Variants in HS3ST1 observed in about 807,000 individuals in gnomAD.
HS3ST1 encodes heparan sulfate glucosamine 3-O-sulfotransferase 1.
HS3ST1 carries 8 observed loss-of-function variants against 20.7 expected under a neutral mutation model. The observed-to-expected ratio is 0.39, with a 90% CI of 0.23 to 0.70. HS3ST1 has a LOEUF of 0.70. Among genes scored for constraint, HS3ST1 ranks in the 30% least tolerant of loss-of-function variants. The probability of loss-of-function intolerance (pLI) is 0.46; values close to 1 mark genes in which losing one functional copy is unlikely to be tolerated. For synonymous variants in HS3ST1, 205 were observed against 190.4 expected, an observed-to-expected ratio of 1.08 and a Z score of -0.63; for missense variants, 436 against 423.4, an observed-to-expected ratio of 1.03 and a Z score of -0.26.
At position 11,423,049 on chromosome 4, in the gene HS3ST1, A is replaced by AAAAAAT. The variant is rs1560237599; in HGVS notation, c.-109+5649_-109+5650insATTTTT. On this transcript the variant is annotated intron_variant, in intron 1 of 1. Coordinates refer to ENST00000002596, the MANE Select transcript of HS3ST1 (RefSeq NM_005114.4). ...AAAAAAAAAAAAAAAAAAAAAAAAA[A>AAAAAAT]GTGCTGAACGTCAGAGTTCTGAGTA... Among the ~76,000 whole-genome samples, 36 of 149,488 alleles carry AAAAAAT rather than the reference A, an allele frequency of 2.4e-4. 1 individual carries two copies. Among genetic ancestry groups the AAAAAAT allele is most frequent in the African/African-American group, 5.4e-4 (22 of 40,530 alleles).
At position 11,411,656 on chromosome 4, in the gene HS3ST1, G is replaced by C. The variant is rs149341326; in HGVS notation, c.-108-11543C>G. ...TCTTATTATAATTACACTATCTTCA[G>C]ATTAAATGCACTGGTGTATGTCAAG... On this transcript the variant is annotated intron_variant, in intron 1 of 1. Transcript: ENST00000002596. Among the ~76,000 whole-genome samples the C allele has an allele frequency of 2.2e-3, 329 of 152,298 alleles. 3 individuals carry two copies. The highest frequency in any genetic ancestry group is 2.6e-3 in the Non-Finnish European group (179 of 68,036).
chr4:11,412,949 G>A lies in HS3ST1; in HGVS notation c.-108-12836C>T, dbSNP rs150791415. 8.7e-4 allele frequency among the ~76,000 whole-genome samples: 133 copies of A among 152,200 alleles called. 1 individual carries two copies. Among genetic ancestry groups the A allele is most frequent in the African/African-American group, 3.1e-3 (127 of 41,524 alleles). On this transcript the variant is annotated intron_variant, in intron 1 of 1. Coordinates refer to ENST00000002596, the MANE Select transcript of HS3ST1 (RefSeq NM_005114.4). ...TGAAGACGTCATGAATGGTATTAGC[G>A]CCCTTCTAAGAAGAGGCCAGAAATC...
chr4:11,401,018 G>T (rs1383109224), intron 1 of HS3ST1, among the ~76,000 whole-genome samples: 1 of 152,198 alleles, frequency 6.6e-6, no homozygotes, highest in Non-Finnish European at 1.5e-5. Context: ...TTTTGGAGTG[G>T]TTTGTATTGC....
At position 11,399,103 on chromosome 4, in the gene HS3ST1, G is replaced by A. The variant is rs758759332; in HGVS notation, c.903C>T (p.Gly301=). ...EPNKKFFELV[G]RTFDWH ...CAAATCAGTGCCAGTCAAATGTTCT[G>A]CCAACAAGCTCGAAGAACTTCTTAT... The change falls in exon 2 of 2, where the codon GGC becomes GGT. Residue 301 remains glycine, a synonymous_variant. Transcript: ENST00000002596. The surrounding 1 kb of genome is among the most constrained non-coding windows in gnomAD (Gnocchi z 5.1). 6 of 1,612,650 alleles carry A rather than the reference G, an allele frequency of 3.7e-6. No individual in the cohort carries two copies. In the Middle Eastern group the frequency reaches 5.0e-4, roughly 133 times the overall value.
rs1011481286 is a variant in HS3ST1, at chr4:11,399,754, C to G, written c.252G>C (p.Glu84Asp). 6.2e-7 allele frequency: 1 copy of G among 1,613,812 alleles called. No homozygotes were observed. Among genetic ancestry groups the G allele is most frequent in the South Asian group, 1.1e-5 (1 of 91,090 alleles). ...CCCAGTCGAAGAAGTGGACCTCGTT[C>G]TCCGCGGCCGCCACGTCGGGGTGCA... The part of the protein sequence containing the change: ...LSLHPDVAAA[E>D]NEVHFFDWEE... Residue 84 changes from glutamate (E) to aspartate (D), a missense_variant, in exon 2 of 2, where the codon GAG becomes GAC. Coordinates refer to ENST00000002596, the MANE Select transcript of HS3ST1 (RefSeq NM_005114.4). The surrounding 1 kb of genome is among the most constrained non-coding windows in gnomAD (Gnocchi z 5.1).
In HS3ST1 at chr4:11,393,567, T is replaced by C. The variant is rs1221994121; in HGVS notation, c.*5515A>G. 1.3e-5 allele frequency: 2 copies of C among 152,188 alleles called. No individual in the cohort carries two copies. Among genetic ancestry groups the C allele is most frequent in the Admixed American group, 1.3e-4 (2 of 15,286 alleles). The allele number at this position is 152,188 out of a possible 1,614,324, so 9.4% of individuals were successfully genotyped here. On this transcript the variant is annotated 3_prime_UTR_variant, in exon 2 of 2. Transcript: ENST00000002596. Reference sequence around the variant, plus strand: ...TTCCTGTTTTCTTGGGAAACACATTTACTGAGAATAGGGTAGCAGAAGAAA... The same window carrying C: ...TTCCTGTTTTCTTGGGAAACACATTCACTGAGAATAGGGTAGCAGAAGAAA...
chr4:11,401,256 T>G (rs965451295), intron 1 of HS3ST1, among the ~76,000 whole-genome samples: 2 of 152,144 alleles, frequency 1.3e-5, no homozygotes, highest in African/African-American at 4.8e-5. Flanking sequence ...GTACAAAGCT[T>G]TACTATTGAT....
intron 1 of HS3ST1, among the ~76,000 whole-genome samples, chr4:11,425,247 G>A (rs1428587337): frequency 6.6e-6 from 1 of 152,154 alleles, no homozygotes; most frequent in Non-Finnish European, 1.5e-5. Flanking sequence ...CAATGATGAG[G>A]AGCCAGTGCA....
chr4:11,414,319 A>C (rs224466), intron 1 of HS3ST1, among the ~76,000 whole-genome samples: 1 of 151,498 alleles, frequency 6.6e-6, no homozygotes, highest in Non-Finnish European at 1.5e-5. Flanking sequence ...GTGTGTGTGT[A>C]TATATACATA....
At chr4:11,402,555 G>A (rs148857075) in intron 1 of HS3ST1, among the ~76,000 whole-genome samples, 1 of 152,202 alleles carries the variant, frequency 6.6e-6, no homozygotes. Flanking sequence ...GCATGCTTGA[G>A]TGTGTCTGTA....
chr4:11,415,882 G>A, intron 1 of HS3ST1, among the ~76,000 whole-genome samples: 1 of 152,194 alleles, frequency 6.6e-6, no homozygotes. Context: ...GTCACCAAAT[G>A]ACCCAATGAC....
chr4:11,403,963 C>G (rs909318016), intron 1 of HS3ST1, among the ~76,000 whole-genome samples: 6 of 152,238 alleles, frequency 3.9e-5, no homozygotes, highest in Non-Finnish European at 8.8e-5. Flanking sequence ...TTGTGTATAA[C>G]ATATGCATTC....
At chr4:11,424,146 C>A (rs138904930) in intron 1 of HS3ST1, among the ~76,000 whole-genome samples, 1 of 151,988 alleles carries the variant, frequency 6.6e-6, no homozygotes, top group East Asian at 1.9e-4. Context: ...TACCCAGGCA[C>A]AGGGCCCAAG....
chr4:11,403,949 T>C lies in HS3ST1; in HGVS notation c.-108-3836A>G, dbSNP rs147254985. ...GTGTGTCAGGACTGTCCAATATAAA[T>C]ATATTGTGTATAACATATGCATTCA... On this transcript the variant is annotated intron_variant, in intron 1 of 1. Transcript: ENST00000002596. 4.3e-4 allele frequency among the ~76,000 whole-genome samples: 65 copies of C among 152,356 alleles called. 3 individuals carry two copies. In the East Asian group the frequency reaches 0.011, roughly 25 times the overall value.
At chr4:11,426,096 A>C (rs1719052666) in intron 1 of HS3ST1, among the ~76,000 whole-genome samples, 1 of 152,274 alleles carries the variant, frequency 6.6e-6, no homozygotes, top group African/African-American at 2.4e-5. Flanking sequence ...GTGCCTGAGC[A>C]CTGACCCAGC....
At position 11,394,463 on chromosome 4, in the gene HS3ST1, G is replaced by A. The variant is rs1577432115; in HGVS notation, c.*4619C>T. 6.6e-6 allele frequency: 1 copy of A among 152,274 alleles called. No individual in the cohort carries two copies. The highest frequency in any genetic ancestry group is 1.9e-4 in the East Asian group (1 of 5,212). The allele number at this position is 152,274 out of a possible 1,614,324, so 9.4% of individuals were successfully genotyped here. A position where few individuals can be genotyped will look rare whatever the true frequency, so the allele number is the denominator to read the frequency against. On this transcript the variant is annotated 3_prime_UTR_variant, in exon 2 of 2. Coordinates refer to ENST00000002596, the MANE Select transcript of HS3ST1 (RefSeq NM_005114.4). ...CTTCTCTCACTGTGTGCTGTTTGGA[G>A]AACTCTGTTATGTTGCTCTGGCCTT...
At chr4:11,424,530 G>A (rs1719015592) in intron 1 of HS3ST1, among the ~76,000 whole-genome samples, 2 of 152,112 alleles carry the variant, frequency 1.3e-5, no homozygotes, top group Admixed American at 6.5e-5. Context: ...GGGAGAAAGG[G>A]AATTCACTTG....
At position 11,397,756 on chromosome 4, in the gene HS3ST1, T is replaced by A. The variant is rs1718179380; in HGVS notation, c.*1326A>T. 6.6e-6 allele frequency: 1 copy of A among 152,222 alleles called. No individual in the cohort carries two copies. The highest frequency in any genetic ancestry group is 1.5e-5 in the Non-Finnish European group (1 of 68,042). The allele number at this position is 152,222 out of a possible 1,614,324, so 9.4% of individuals were successfully genotyped here. A position where few individuals can be genotyped will look rare whatever the true frequency, so the allele number is the denominator to read the frequency against. On this transcript the variant is annotated 3_prime_UTR_variant, in exon 2 of 2. Transcript: ENST00000002596. The stretch of plus-strand genomic sequence containing the variant: ...TGTAGGAGATGATTAATAACGTCCA[T>A]TTCTGTCATTTTCCTGCGGTATAAA...
intron 1 of HS3ST1, among the ~76,000 whole-genome samples, chr4:11,408,913 GGGTGGACAGTCATCTGTCACCCTGCAGAT>G (rs1718540901): frequency 1.3e-5 from 2 of 152,204 alleles, no homozygotes; most frequent in Admixed American, 1.3e-4. Context: ...CCCCTGGCTG[GGGTGGACAGTCATCTGTCACCCTGCAGAT>G]GGTGAGTACC....
Sources: gnomAD v4.1 joint callset for allele counts (sites outside exome capture counted in the v4.1 genomes callset) on GRCh38, gnomAD v4.1.1 for gene constraint, Gnocchi (gnomAD v3.1) non-coding constraint, MANE v1.5 for transcripts, NCBI Gene and HGNC (gene_info 2026-07-23, HGNC 2026-07-21) for gene names.